Variants in VPS37A observed in about 807,000 individuals in gnomAD.
VPS37A encodes vacuolar protein sorting-associated protein 37A.
VPS37A carries 30 observed loss-of-function variants against 49.8 expected under a neutral mutation model. The observed-to-expected ratio is 0.60, with a 90% CI of 0.45 to 0.82. The LOEUF is 0.82. VPS37A is among the 40% of genes least tolerant of loss of function. VPS37A has a pLI of 0.00. For missense variants in VPS37A, 593 were observed against 464.4 expected (o/e 1.28, Z -2.55); for synonymous variants, 195 against 160.6 (o/e 1.21, Z -1.62).
At chr8:17,282,559 G>A (rs1215002066) in intron 9 of VPS37A, among the ~76,000 whole-genome samples, 1 of 151,964 alleles carries the variant, frequency 6.6e-6, no homozygotes, top group Non-Finnish European at 1.5e-5. Flanking sequence ...TAAAAAAAGG[G>A]TACAGATATT....
chr8:17,253,906 A>C (rs1812201741), intron 1 of VPS37A, among the ~76,000 whole-genome samples: 1 of 152,208 alleles, frequency 6.6e-6, no homozygotes, highest in Admixed American at 6.5e-5. Context: ...TTTTCCAAAC[A>C]ACACTGAACC....
chr8:17,327,632 G>A, the VPS37A span, among the ~76,000 whole-genome samples: 1 of 121,584 alleles, frequency 8.2e-6, no homozygotes, highest in African/African-American at 5.4e-5. Context: ...CTAAGAGGAA[G>A]AAACCTGGTA....
At chr8:17,262,523 A>C (rs1347716405) in intron 1 of VPS37A, among the ~76,000 whole-genome samples, 2 of 152,056 alleles carry the variant, frequency 1.3e-5, no homozygotes, top group Non-Finnish European at 2.9e-5. Context: ...ATTAATTTGC[A>C]GGTCATTTAA....
At chr8:17,250,086 AC>A (rs2150341916) in intron 1 of VPS37A, among the ~76,000 whole-genome samples, 1 of 152,202 alleles carries the variant, frequency 6.6e-6, no homozygotes, top group Non-Finnish European at 1.5e-5. Context: ...AGGGAAAGTG[AC>A]CTTTCTAGAT....
intron 9 of VPS37A, among the ~76,000 whole-genome samples, chr8:17,282,518 T>C (rs1417785130): frequency 1.3e-5 from 2 of 151,938 alleles, no homozygotes; most frequent in African/African-American, 2.4e-5. Flanking sequence ...AACTCAGATA[T>C]ATTAAAAAAT....
chr8:17,294,597 G>T (rs1816464491), intron 11 of VPS37A, among the ~76,000 whole-genome samples: 1 of 152,162 alleles, frequency 6.6e-6, no homozygotes, highest in Non-Finnish European at 1.5e-5. Flanking sequence ...GGAATCTCCT[G>T]GTCTGTGGGT....
chr8:17,287,833 C>A (rs1815754335), intron 11 of VPS37A, among the ~76,000 whole-genome samples: 1 of 152,128 alleles, frequency 6.6e-6, no homozygotes, highest in Admixed American at 6.5e-5. Flanking sequence ...AGCTATCCAT[C>A]CTACTGTAGT....
intron 2 of VPS37A, 21 bp downstream of exon 2, chr8:17,266,002 C>G (rs748739279): frequency 4.9e-5 from 78 of 1,591,128 alleles, no homozygotes; most frequent in Non-Finnish European, 6.6e-5. Flanking sequence ...TTGTATCCTA[C>G]TTTTTCATGT....
chr8:17,256,544 C>G (rs1322184638), intron 1 of VPS37A, among the ~76,000 whole-genome samples: 1 of 151,728 alleles, frequency 6.6e-6, no homozygotes, highest in Non-Finnish European at 1.5e-5. Flanking sequence ...GTAGTTAATC[C>G]TTTGTCAGAT....
chr8:17,309,526 G>C, the VPS37A span, among the ~76,000 whole-genome samples: 1,095 of 152,336 alleles, frequency 7.2e-3, 24 homozygotes, highest in African/African-American at 0.025. Flanking sequence ...CATGGGAACA[G>C]TGAGTGGAAA....
chr8:17,286,211 G>A (rs1815570290), intron 10 of VPS37A, 136 bp from the exon 11 acceptor site: 1 of 657,548 alleles, frequency 1.5e-6, no homozygotes, highest in Non-Finnish European at 2.6e-6. Flanking sequence ...TTAGCTATTA[G>A]ATTATTAGCT....
At chr8:17,265,158 C>T (rs552632397) in intron 1 of VPS37A, among the ~76,000 whole-genome samples, 1 of 152,276 alleles carries the variant, frequency 6.6e-6, no homozygotes, top group African/African-American at 2.4e-5. Context: ...CTCAGAGTCA[C>T]TCATGGTGGA....
chr8:17,268,154 T>C, intron 2 of VPS37A, 104 bp from the exon 3 acceptor site: 2 of 760,620 alleles, frequency 2.6e-6, no homozygotes, highest in Non-Finnish European at 4.2e-6. Flanking sequence ...TATCAAAGTG[T>C]GAAAATTTAA....
intron 11 of VPS37A, among the ~76,000 whole-genome samples, chr8:17,286,942 T>C (rs1017352500): frequency 6.6e-6 from 1 of 152,230 alleles, no homozygotes. Flanking sequence ...CCAGAACCTG[T>C]AATTAATCGC....
chr8:17,312,751 A>G, the VPS37A span, among the ~76,000 whole-genome samples: 1 of 152,272 alleles, frequency 6.6e-6, no homozygotes, highest in South Asian at 2.1e-4. Flanking sequence ...GGAACATACC[A>G]TGGCATCAGG....
Position 17,297,982 on chromosome 8 carries a change from T to C in VPS37A, c.*2996T>C, listed in dbSNP as rs1289514929. 6.6e-6 allele frequency: 1 copy of C among 152,146 alleles called. No individual in the cohort carries two copies. The highest frequency in any genetic ancestry group is 6.5e-5 in the Admixed American group (1 of 15,276). The allele number at this position is 152,146 out of a possible 1,614,324, so 9.4% of individuals were successfully genotyped here. A position where few individuals can be genotyped will look rare whatever the true frequency, so the allele number is the denominator to read the frequency against. On this transcript the variant is annotated 3_prime_UTR_variant, in exon 12 of 12. Transcript: ENST00000324849. ...TACATTTTAAAACATCAAATATTTA[T>C]ACTATTTGCTTTTCAAATAAAAGCA...
At chr8:17,291,319 C>A (rs1816129595) in intron 11 of VPS37A, among the ~76,000 whole-genome samples, 1 of 152,058 alleles carries the variant, frequency 6.6e-6, no homozygotes, top group Non-Finnish European at 1.5e-5. Context: ...ATACGATCTC[C>A]CCTTTATCAT....
intron 11 of VPS37A, among the ~76,000 whole-genome samples, chr8:17,292,199 T>G (rs1289030085): frequency 6.6e-6 from 1 of 152,222 alleles, no homozygotes; most frequent in Non-Finnish European, 1.5e-5. Flanking sequence ...TCTTCCTACA[T>G]TGATCCCTTT....
At chr8:17,293,197 A>C (rs1421039763) in intron 11 of VPS37A, among the ~76,000 whole-genome samples, 1 of 151,528 alleles carries the variant, frequency 6.6e-6, no homozygotes, top group Non-Finnish European at 1.5e-5. Flanking sequence ...TTTTTCATAA[A>C]ATTGATCTTC....
Sources: allele counts gnomAD v4.1 joint callset (sites outside exome capture counted in the v4.1 genomes callset), GRCh38; gene constraint gnomAD v4.1.1; transcripts MANE v1.5; gene names NCBI Gene and HGNC (gene_info 2026-07-23, HGNC 2026-07-21).